The following MACROD2 variants were observed in gnomAD, a reference collection of about 807,000 sequenced individuals.
MACROD2 encodes mono-ADP ribosylhydrolase 2.
A neutral mutation model predicts 70.4 loss-of-function variants in MACROD2; 36 were observed. That is an observed-to-expected ratio of 0.51 (90% CI 0.39 to 0.68). MACROD2 has a LOEUF of 0.68. Ranked by LOEUF, MACROD2 falls within the 30% of genes least tolerant of loss-of-function variation. MACROD2 has a pLI of 0.00. For synonymous variants in MACROD2, 172 were observed against 178.8 expected, an observed-to-expected ratio of 0.96 and a Z score of 0.30; for missense variants, 496 against 538.4, an observed-to-expected ratio of 0.92 and a Z score of 0.78.
chr20:14,619,240 T>C (rs1375989806), intron 4 of MACROD2, among the ~76,000 whole-genome samples: 3 of 151,676 alleles, frequency 2.0e-5, no homozygotes, highest in East Asian at 3.9e-4. Flanking sequence ...GTTAAAATTA[T>C]ACCATGACTT....
chr20:15,921,015 T>C (rs1215571000), intron 10 of MACROD2, among the ~76,000 whole-genome samples: 3 of 152,142 alleles, frequency 2.0e-5, no homozygotes, highest in African/African-American at 7.2e-5. Flanking sequence ...AGGCTTCTGC[T>C]ATCTCTTGTG....
At chr20:15,505,336 G>A (rs989918464) in intron 8 of MACROD2, among the ~76,000 whole-genome samples, 7 of 152,086 alleles carry the variant, frequency 4.6e-5, no homozygotes, top group Admixed American at 4.6e-4. Flanking sequence ...GAGGATCAGT[G>A]GATTTCCCAG....
intron 5 of MACROD2, among the ~76,000 whole-genome samples, chr20:14,790,948 A>G (rs888902579): frequency 6.6e-6 from 1 of 152,018 alleles, no homozygotes; most frequent in Admixed American, 6.6e-5. Flanking sequence ...AGAGAGACCT[A>G]AGTGCTTGAG....
chr20:14,215,337 TACACACACACAC>T lies in MACROD2; in HGVS notation c.271+129642_271+129653del, dbSNP rs199684417. Among the ~76,000 whole-genome samples, 106 of 131,090 alleles carry T rather than the reference TACACACACACAC, an allele frequency of 8.1e-4. No homozygotes were observed. In the East Asian group the frequency reaches 9.9e-3, roughly 12 times the overall value. The allele number at this position is 131,090 out of a possible 152,430, so 86.0% of individuals were successfully genotyped here. A position where few individuals can be genotyped will look rare whatever the true frequency, so the allele number is the denominator to read the frequency against. ...TCATATATATCTATGCCATCATATA[TACACACACACAC>T]ACACACACACACACACACACACACA... On this transcript the variant is annotated intron_variant, in intron 3 of 17. Coordinates refer to ENST00000684519, the MANE Select transcript of MACROD2 (RefSeq NM_001351661.2).
intron 8 of MACROD2, among the ~76,000 whole-genome samples, chr20:15,605,508 C>A (rs1185821479): frequency 1.4e-5 from 2 of 145,406 alleles, no homozygotes; most frequent in Non-Finnish European, 3.0e-5. Context: ...TGGTTCTCAA[C>A]CCTGATTTTT....
intron 5 of MACROD2, among the ~76,000 whole-genome samples, chr20:15,169,248 T>C (rs2076406771): frequency 6.6e-6 from 1 of 152,192 alleles, no homozygotes; most frequent in East Asian, 1.9e-4. Context: ...TAAGAATGCA[T>C]TCTATTTCTC....
intron 5 of MACROD2, among the ~76,000 whole-genome samples, chr20:14,909,269 A>C (rs1027753560): frequency 6.6e-6 from 1 of 152,128 alleles, no homozygotes; most frequent in Non-Finnish European, 1.5e-5. Context: ...GCAGAAGATT[A>C]CTTTCTAAGA....
chr20:14,966,127 G>T (rs546051875), intron 5 of MACROD2, among the ~76,000 whole-genome samples: 8 of 152,246 alleles, frequency 5.3e-5, no homozygotes, highest in African/African-American at 1.9e-4. Flanking sequence ...GATAACTGTG[G>T]TTTTAAACTC....
intron 6 of MACROD2, among the ~76,000 whole-genome samples, chr20:15,255,611 T>C (rs888122536): frequency 2.6e-5 from 4 of 152,042 alleles, no homozygotes; most frequent in African/African-American, 9.7e-5. Flanking sequence ...GAGGGCACAG[T>C]GAGGTGAAAG....
intron 5 of MACROD2, among the ~76,000 whole-genome samples, chr20:14,838,435 C>T (rs573801602): frequency 6.6e-6 from 1 of 152,108 alleles, no homozygotes; most frequent in South Asian, 2.1e-4. Context: ...TGTGGAATAT[C>T]TTGTGTTAGT....
chr20:15,200,539 A>G (rs1051080955), intron 5 of MACROD2, among the ~76,000 whole-genome samples: 1 of 152,182 alleles, frequency 6.6e-6, no homozygotes, highest in Admixed American at 6.5e-5. Context: ...AAATGATGAA[A>G]CTAAGTGAAA....
At chr20:15,102,846 A>G (rs2075883555) in intron 5 of MACROD2, among the ~76,000 whole-genome samples, 1 of 152,092 alleles carries the variant, frequency 6.6e-6, no homozygotes, top group African/African-American at 2.4e-5. Context: ...AGACAGCTGT[A>G]CACAGTGAAA....
rs527807541 is a variant in MACROD2, at chr20:15,075,307, T to G, written c.419-154633T>G. 3.4e-3 allele frequency among the ~76,000 whole-genome samples: 512 copies of G among 152,268 alleles called. 4 individuals are homozygous for G. Among genetic ancestry groups the G allele is most frequent in the Admixed American group, 5.8e-3 (89 of 15,302 alleles). ...TGGAAAATAAAATACGAAAGGTAAGTTCTAGGAATAATTGTATTTTATTAG... is the reference window on the plus strand; with the variant it reads ...TGGAAAATAAAATACGAAAGGTAAGGTCTAGGAATAATTGTATTTTATTAG... On this transcript the variant is annotated intron_variant, in intron 5 of 17. Transcript: ENST00000684519.
chr20:15,048,479 G>A (rs956353619), intron 5 of MACROD2, among the ~76,000 whole-genome samples: 3 of 151,472 alleles, frequency 2.0e-5, no homozygotes, highest in Admixed American at 6.6e-5. Context: ...AAAAAAATGA[G>A]TATAGTATCT....
intron 10 of MACROD2, among the ~76,000 whole-genome samples, chr20:15,927,523 A>G (rs1041888029): frequency 1.3e-5 from 2 of 152,164 alleles, no homozygotes; most frequent in African/African-American, 4.8e-5. Context: ...CTTCATCTGC[A>G]AAAATGGAGA....
intron 3 of MACROD2, among the ~76,000 whole-genome samples, chr20:14,178,976 C>T (rs1244014898): frequency 6.6e-6 from 1 of 152,230 alleles, no homozygotes; most frequent in East Asian, 1.9e-4. Flanking sequence ...ATCATTTCCT[C>T]CATATTCTAT....
At chr20:15,444,387 T>G (rs540617740) in intron 7 of MACROD2, among the ~76,000 whole-genome samples, 2 of 152,312 alleles carry the variant, frequency 1.3e-5, no homozygotes, top group South Asian at 4.1e-4. Context: ...TCGCTAAATA[T>G]ACGCACTATA....
In MACROD2 at chr20:15,323,086, T is replaced by A. The variant is rs980860956; in HGVS notation, c.540+93025T>A. Among the ~76,000 whole-genome samples, 23 of 103,992 alleles carry A rather than the reference T, an allele frequency of 2.2e-4. 1 individual carries two copies. Among genetic ancestry groups the A allele is most frequent in the Non-Finnish European group, 3.0e-4 (12 of 40,650 alleles). The allele number at this position is 103,992 out of a possible 152,430, so 68.2% of individuals were successfully genotyped here. A position where few individuals can be genotyped will look rare whatever the true frequency, so the allele number is the denominator to read the frequency against. ...ATAATGCTGTATGTTGATGTTGACA[T>A]TCTGCCATTCTGCAGTGATATATTG... On this transcript the variant is annotated intron_variant, in intron 6 of 17. Transcript: ENST00000684519.
At chr20:14,721,619 C>T (rs1308708542) in intron 5 of MACROD2, among the ~76,000 whole-genome samples, 1 of 152,132 alleles carries the variant, frequency 6.6e-6, no homozygotes, top group Non-Finnish European at 1.5e-5. Context: ...TCCTCTGACC[C>T]TTTGTACTAA....
Sources: gnomAD v4.1 joint callset for allele counts (sites outside exome capture counted in the v4.1 genomes callset) on GRCh38, gnomAD v4.1.1 for gene constraint, MANE v1.5 for transcripts, NCBI Gene and HGNC (gene_info 2026-07-23, HGNC 2026-07-21) for gene names.